TBC1D16: variants seen among roughly 807,000 people sequenced by gnomAD.
TBC1D16 encodes TBC1 domain family member 16.
Under a neutral mutation model 74.7 loss-of-function variants are expected in TBC1D16, and 58 were observed. The ratio of observed to expected loss-of-function variants is 0.78; its 90% CI spans 0.63 to 0.97. The LOEUF (loss-of-function observed/expected upper bound fraction) is 0.97. Ranked by LOEUF, TBC1D16 falls within the 50% of genes least tolerant of loss-of-function variation. The probability of loss-of-function intolerance (pLI) is 0.00; values close to 1 mark genes in which losing one functional copy is unlikely to be tolerated. For missense variants in TBC1D16, 1,014 were observed against 1,079.5 expected, an observed-to-expected ratio of 0.94 and a Z score of 0.85; for synonymous variants, 493 against 474.7, an observed-to-expected ratio of 1.04 and a Z score of -0.50.
chr17:80,014,919 A>C (rs2036032715), intron 1 of TBC1D16, among the ~76,000 whole-genome samples: 1 of 152,168 alleles, frequency 6.6e-6, no homozygotes, highest in African/African-American at 2.4e-5. Flanking sequence ...GACGTATGAA[A>C]TGTATATATA....
chr17:80,000,513 C>A lies in TBC1D16; in HGVS notation c.779+9647G>T, dbSNP rs8078940. Among the ~76,000 whole-genome samples, 989 of 152,344 alleles carry A rather than the reference C, an allele frequency of 6.5e-3. 5 individuals carry two copies. The highest frequency in any genetic ancestry group is 0.023 in the African/African-American group (946 of 41,592). Reference sequence around the variant, plus strand: ...TAGACCTTCCAGAGGGAGCGTGGCTCTGCAGACACCTTGATTTTGGACCTC... The same window carrying A: ...TAGACCTTCCAGAGGGAGCGTGGCTATGCAGACACCTTGATTTTGGACCTC... On this transcript the variant is annotated intron_variant, in intron 3 of 11. Coordinates refer to ENST00000310924, the MANE Select transcript of TBC1D16 (RefSeq NM_019020.4). This position sits in a 1 kb window ranked among gnomAD's most constrained non-coding sequence, Gnocchi z 4.1.
chr17:79,989,666 C>T (rs2034988213), intron 3 of TBC1D16, among the ~76,000 whole-genome samples: 3 of 152,222 alleles, frequency 2.0e-5, no homozygotes, highest in Admixed American at 6.5e-5. Flanking sequence ...TGCCAAAGGC[C>T]GAGAGGCCAA....
Position 79,936,484 on chromosome 17 carries a change from A to G in TBC1D16, c.*4375T>C, listed in dbSNP as rs987279470. 6.6e-6 allele frequency: 1 copy of G among 152,278 alleles called. No homozygotes were observed. The highest frequency in any genetic ancestry group is 1.5e-5 in the Non-Finnish European group (1 of 68,094). 9.4% of individuals were successfully genotyped at this position (152,278 alleles called of 1,614,324 possible). ...TGCACTCCCAGGAGGTGGCCTGGGC[A>G]GGCAGGCATCATTATTCTCATGTTA... is the stretch of plus-strand genomic sequence containing the variant. On this transcript the variant is annotated 3_prime_UTR_variant, in exon 12 of 12. Coordinates refer to ENST00000310924, the MANE Select transcript of TBC1D16 (RefSeq NM_019020.4).
chr17:79,959,595 T>C (rs943254712), intron 3 of TBC1D16, among the ~76,000 whole-genome samples: 60 of 152,278 alleles, frequency 3.9e-4, no homozygotes, highest in African/African-American at 1.4e-3. Context: ...TTTACAAAAG[T>C]GCAAAGACAA....
intron 1 of TBC1D16, among the ~76,000 whole-genome samples, chr17:80,015,954 T>G (rs562467603): frequency 2.0e-4 from 28 of 140,848 alleles, no homozygotes; most frequent in Non-Finnish European, 2.4e-4. Context: ...GAGGTTTCAG[T>G]GAGCCGAGAT....
Position 79,971,179 on chromosome 17 carries a change from A to C in TBC1D16, c.780-18361T>G, listed in dbSNP as rs1197335551. Among the ~76,000 whole-genome samples, 1 of 151,824 alleles carries C rather than the reference A, an allele frequency of 6.6e-6. No individual in the cohort carries two copies. Among genetic ancestry groups the C allele is most frequent in the Non-Finnish European group, 1.5e-5 (1 of 67,948 alleles). On this transcript the variant is annotated intron_variant, in intron 3 of 11. Transcript: ENST00000310924. This position sits in a 1 kb window ranked among gnomAD's most constrained non-coding sequence, Gnocchi z 4.6. ...CTGGGATTACAGGCGTGCACCACCA[A>C]GCCCGGCTAATTTGTGTATTTTTAG...
At chr17:79,960,678 C>T (rs1326348201) in intron 3 of TBC1D16, among the ~76,000 whole-genome samples, 1 of 150,460 alleles carries the variant, frequency 6.6e-6, no homozygotes, top group African/African-American at 2.5e-5. Context: ...ATCACTTGAA[C>T]CCTGGAGGCG....
chr17:80,006,530 A>G (rs1473641433), intron 3 of TBC1D16, among the ~76,000 whole-genome samples: 1 of 151,988 alleles, frequency 6.6e-6, no homozygotes, highest in Non-Finnish European at 1.5e-5. Flanking sequence ...AAGGAGCACC[A>G]CCTCTGCTTC....
chr17:80,026,478 T>C (rs2036586284), intron 1 of TBC1D16, among the ~76,000 whole-genome samples: 1 of 149,370 alleles, frequency 6.7e-6, no homozygotes, highest in African/African-American at 2.6e-5. Context: ...TAGTTTAAAA[T>C]AAAAAGAGGC....
At chr17:79,978,947 C>G (rs2034454573) in intron 3 of TBC1D16, among the ~76,000 whole-genome samples, 1 of 152,242 alleles carries the variant, frequency 6.6e-6, no homozygotes, top group Non-Finnish European at 1.5e-5. Context: ...TGTTTTCATT[C>G]CCTCTCGACT....
chr17:80,021,411 G>A (rs2143110422), intron 1 of TBC1D16, among the ~76,000 whole-genome samples: 1 of 149,808 alleles, frequency 6.7e-6, no homozygotes, highest in African/African-American at 2.5e-5. Flanking sequence ...ATTGAGCCAT[G>A]ATTGCACCAC....
intron 1 of TBC1D16, among the ~76,000 whole-genome samples, chr17:80,016,488 T>C (rs2144713295): frequency 6.6e-6 from 1 of 152,300 alleles, no homozygotes; most frequent in African/African-American, 2.4e-5. Context: ...GGGTATATGA[T>C]CTTGTTCTTT....
intron 6 of TBC1D16, 87 bp from the exon 7 acceptor site, chr17:79,949,952 T>G: frequency 1.4e-6 from 2 of 1,469,656 alleles, no homozygotes; most frequent in Non-Finnish European, 1.8e-6. Flanking sequence ...GTTTTGGTGG[T>G]TTTTGGTGCG....
chr17:79,999,845 C>T (rs2035418198), intron 3 of TBC1D16, among the ~76,000 whole-genome samples: 1 of 151,900 alleles, frequency 6.6e-6, no homozygotes, highest in Non-Finnish European at 1.5e-5. Flanking sequence ...GGCCTGGCCA[C>T]CCTCGAATTT....
rs955381622 is a variant in TBC1D16 at position 80,008,985 on chromosome 17, G to A, written c.779+1175C>T. ...CTGGGTTCACATCCCAGCTTGGCCC[G>A]GGCACTGGCTGGGAGACCCCTGGCA... On this transcript the variant is annotated intron_variant, in intron 3 of 11. Coordinates refer to ENST00000310924, the MANE Select transcript of TBC1D16 (RefSeq NM_019020.4). This position sits in a 1 kb window ranked among gnomAD's most constrained non-coding sequence, Gnocchi z 4.5. Among the ~76,000 whole-genome samples, 3 of 152,190 alleles carry A rather than the reference G, an allele frequency of 2.0e-5. No homozygotes were observed. The highest frequency in any genetic ancestry group is 1.3e-4 in the Admixed American group (2 of 15,286).
intron 3 of TBC1D16, among the ~76,000 whole-genome samples, chr17:79,995,657 C>T (rs1225399559): frequency 6.6e-6 from 1 of 150,920 alleles, no homozygotes; most frequent in Non-Finnish European, 1.5e-5. Flanking sequence ...TGGTGGTGGG[C>T]GCCTGTAGTC....
At chr17:79,964,703 A>G (rs994332624) in intron 3 of TBC1D16, among the ~76,000 whole-genome samples, 2 of 152,244 alleles carry the variant, frequency 1.3e-5, no homozygotes, top group African/African-American at 4.8e-5. Flanking sequence ...AACTCTCAGT[A>G]CTATTGCTAA....
At position 79,945,210 on chromosome 17, in the gene TBC1D16, C is replaced by T. The variant is rs947769914; in HGVS notation, c.1729-123G>A. The T allele has an allele frequency of 9.6e-6, 10 of 1,039,194 alleles. No individual in the cohort carries two copies. The African/African-American group carries it at 1.4e-4, about 15-fold the overall frequency. 64.4% of individuals were successfully genotyped at this position (1,039,194 alleles called of 1,614,324 possible). Reference sequence around the variant, plus strand: ...AGCCTGGAAAAGCACACCCAGGGGCCTCTACCTGCTGCATGTGCCTGCCCC... The same window carrying T: ...AGCCTGGAAAAGCACACCCAGGGGCTTCTACCTGCTGCATGTGCCTGCCCC... On this transcript the variant is annotated intron_variant, in intron 9 of 11. Transcript: ENST00000310924.
intron 3 of TBC1D16, among the ~76,000 whole-genome samples, chr17:79,977,728 CAT>C (rs576910212): frequency 1.8e-3 from 267 of 152,402 alleles, no homozygotes; most frequent in African/African-American, 6.2e-3. Flanking sequence ...ATCACACACA[CAT>C]GTGCACACGG....
Sources: allele counts gnomAD v4.1 joint callset (sites outside exome capture counted in the v4.1 genomes callset), GRCh38; gene constraint gnomAD v4.1.1; non-coding constraint Gnocchi (gnomAD v3.1); transcripts MANE v1.5; gene names NCBI Gene and HGNC (gene_info 2026-07-23, HGNC 2026-07-21).